IGSF21: variants seen among roughly 807,000 people sequenced by gnomAD.
IGSF21 encodes immunoglobulin superfamily member 21.
Under a neutral mutation model 46.8 loss-of-function variants are expected in IGSF21, and 28 were observed. That is an observed-to-expected ratio of 0.60 (90% CI 0.44 to 0.82). The LOEUF (loss-of-function observed/expected upper bound fraction) is 0.82. Ranked by LOEUF, IGSF21 falls within the 40% of genes least tolerant of loss-of-function variation. IGSF21 has a pLI of 0.00. For synonymous variants in IGSF21, 284 were observed against 273.6 expected, an observed-to-expected ratio of 1.04 and a Z score of -0.38; for missense variants, 624 against 665.5, an observed-to-expected ratio of 0.94 and a Z score of 0.69.
chr1:18,308,870 C>G (rs554025302), intron 3 of IGSF21, among the ~76,000 whole-genome samples: 1 of 152,108 alleles, frequency 6.6e-6, no homozygotes, highest in South Asian at 2.1e-4. Flanking sequence ...GATTTCAAGG[C>G]GGGCATCAGG....
At chr1:18,314,411 C>T (rs187261508) in intron 3 of IGSF21, among the ~76,000 whole-genome samples, 7 of 152,168 alleles carry the variant, frequency 4.6e-5, no homozygotes, top group East Asian at 3.9e-4. Flanking sequence ...CTGAGGTTAG[C>T]GGAGGTCGCC....
chr1:18,184,650 C>A (rs1033114367), intron 1 of IGSF21, among the ~76,000 whole-genome samples: 1 of 152,106 alleles, frequency 6.6e-6, no homozygotes, highest in African/African-American at 2.4e-5. Flanking sequence ...CTCATACCAA[C>A]AAAACAACCC....
At chr1:18,292,747 C>A (rs911629143) in intron 3 of IGSF21, among the ~76,000 whole-genome samples, 16 of 152,140 alleles carry the variant, frequency 1.1e-4, no homozygotes, top group Admixed American at 1.3e-4. Flanking sequence ...CCTTCAGAAC[C>A]CCACTCCAGC....
intron 1 of IGSF21, among the ~76,000 whole-genome samples, chr1:18,215,629 C>T (rs545657503): frequency 1.1e-3 from 166 of 152,236 alleles, no homozygotes; most frequent in Non-Finnish European, 1.9e-3. Context: ...CCCAGTGGCC[C>T]GATGCAGCCT....
At chr1:18,246,330 A>G (rs1212586366) in intron 2 of IGSF21, among the ~76,000 whole-genome samples, 1 of 151,868 alleles carries the variant, frequency 6.6e-6, no homozygotes, top group Non-Finnish European at 1.5e-5. Context: ...CTTCCTGCCT[A>G]TAGATTTGCC....
intron 6 of IGSF21, among the ~76,000 whole-genome samples, chr1:18,375,227 A>T (rs1376686867): frequency 2.0e-5 from 3 of 152,362 alleles, no homozygotes; most frequent in South Asian, 2.1e-4. Flanking sequence ...GCTCCATGTC[A>T]GCAGGCACTG....
Position 18,376,411 on chromosome 1 carries a change from A to C in IGSF21, c.1101+16A>C. On this transcript the variant is annotated intron_variant, in intron 7 of 9. Coordinates refer to ENST00000251296, the MANE Select transcript of IGSF21 (RefSeq NM_032880.5). Reference sequence around the variant, plus strand: ...TGGGTTTCAGGTCAGCCTCTCTCTGAGCATCTGGGAGGGTGGTGGGAGGTG... The same window carrying C: ...TGGGTTTCAGGTCAGCCTCTCTCTGCGCATCTGGGAGGGTGGTGGGAGGTG... The C allele has an allele frequency of 6.3e-7, 1 of 1,589,442 alleles. No individual in the cohort carries two copies. The highest frequency in any genetic ancestry group is 2.2e-5 in the East Asian group (1 of 44,722).
At chr1:18,148,756 T>C (rs2086493667) in intron 1 of IGSF21, among the ~76,000 whole-genome samples, 1 of 152,136 alleles carries the variant, frequency 6.6e-6, no homozygotes, top group African/African-American at 2.4e-5. Context: ...CTCAGAGATA[T>C]CATATCATCG....
intron 3 of IGSF21, among the ~76,000 whole-genome samples, chr1:18,317,178 G>C (rs1219016171): frequency 6.6e-6 from 1 of 152,198 alleles, no homozygotes. Context: ...CTCAGTAAAT[G>C]GTGGTTAGTT....
chr1:18,138,258 G>A (rs910329035), intron 1 of IGSF21, among the ~76,000 whole-genome samples: 2 of 152,148 alleles, frequency 1.3e-5, no homozygotes, highest in South Asian at 4.2e-4. Context: ...ATAATCCCTC[G>A]CAGGACATGT....
At chr1:18,119,590 T>C (rs2086214947) in intron 1 of IGSF21, among the ~76,000 whole-genome samples, 1 of 152,214 alleles carries the variant, frequency 6.6e-6, no homozygotes, top group Non-Finnish European at 1.5e-5. Flanking sequence ...GGCTTTCTCT[T>C]TTCCTTTCTC....
chr1:18,273,465 T>TC (rs2085068454), intron 2 of IGSF21, among the ~76,000 whole-genome samples: 2 of 17,930 alleles, frequency 1.1e-4, no homozygotes, highest in African/African-American at 2.2e-4. Context: ...TTTCTCTCTC[T>TC]TTCTTTCTTT....
At chr1:18,286,016 G>A (rs755117688) in intron 2 of IGSF21, among the ~76,000 whole-genome samples, 6 of 152,308 alleles carry the variant, frequency 3.9e-5, no homozygotes, top group Admixed American at 3.9e-4. Context: ...CCGTTTTGCA[G>A]ATGAGGAAAC....
At chr1:18,210,558 G>C (rs1462784129) in intron 1 of IGSF21, among the ~76,000 whole-genome samples, 1 of 152,136 alleles carries the variant, frequency 6.6e-6, no homozygotes, top group Non-Finnish European at 1.5e-5. Context: ...GACTCTCTCT[G>C]CTGTGCTAGG....
intron 3 of IGSF21, among the ~76,000 whole-genome samples, chr1:18,293,591 G>A (rs2085287372): frequency 1.3e-5 from 2 of 152,218 alleles, no homozygotes; most frequent in African/African-American, 4.8e-5. Flanking sequence ...AGAAATTATG[G>A]TGCCTTAAAA....
At chr1:18,246,923 G>T (rs1053374558) in intron 2 of IGSF21, among the ~76,000 whole-genome samples, 17 of 152,120 alleles carry the variant, frequency 1.1e-4, no homozygotes, top group Non-Finnish European at 2.5e-4. Context: ...GCTGAGCCAG[G>T]CACTAAGCTA....
Position 18,378,335 on chromosome 1 carries a change from G to A in IGSF21, c.*9G>A, listed in dbSNP as rs72940712. On this transcript the variant is annotated 3_prime_UTR_variant, in exon 10 of 10. Transcript: ENST00000251296. ...TTCTGGAGCTGACGTGAAGGCACCC[G>A]CCCCGGCCACTCCATCAGGCACTGA... 0.035 allele frequency: 56,104 copies of A among 1,611,574 alleles called. 1,127 individuals are homozygous for A. The highest frequency in any genetic ancestry group is 0.068 in the Middle Eastern group (415 of 6,060).
chr1:18,361,819 C>T (rs2086103897), intron 4 of IGSF21: 2 of 298,028 alleles, frequency 6.7e-6, no homozygotes, highest in Admixed American at 4.8e-5. Context: ...CCTCAACACA[C>T]TGATGCCTCC....
chr1:18,231,302 G>T (rs760412235), intron 2 of IGSF21, among the ~76,000 whole-genome samples: 9 of 152,228 alleles, frequency 5.9e-5, no homozygotes, highest in Non-Finnish European at 8.8e-5. Context: ...GGCAGCTGAT[G>T]AAATTATCTG....
Sources: gnomAD v4.1 joint callset for allele counts (sites outside exome capture counted in the v4.1 genomes callset) on GRCh38, gnomAD v4.1.1 for gene constraint, MANE v1.5 for transcripts, NCBI Gene and HGNC (gene_info 2026-07-23, HGNC 2026-07-21) for gene names.